The following ZNF410 variants were observed in gnomAD, a reference collection of about 807,000 sequenced individuals.
The protein encoded by ZNF410 is another partner for ARF 1.
Under a neutral mutation model 54.8 loss-of-function variants are expected in ZNF410, and 18 were observed. The ratio of observed to expected loss-of-function variants is 0.33; its 90% CI spans 0.23 to 0.49. ZNF410 has a LOEUF of 0.49. Among genes scored for constraint, ZNF410 ranks in the 20% least tolerant of loss-of-function variants. The pLI, the probability that ZNF410 is intolerant of heterozygous loss-of-function variation, is 0.99. For synonymous variants in ZNF410, 191 were observed against 207.3 expected (o/e 0.92, Z 0.68); for missense variants, 405 against 569.6 (o/e 0.71, Z 2.94).
At chr14:73,904,778 G>A in intron 6 of ZNF410, 124 bp from the exon 7 acceptor site, 2 of 1,096,980 alleles carry the variant, frequency 1.8e-6, no homozygotes, top group Non-Finnish European at 2.5e-6. Flanking sequence ...AAAGTCTTCA[G>A]TTGATTCTGA....
At chr14:73,904,247 T>C in intron 6 of ZNF410, 137 bp downstream of exon 6, 1 of 841,226 alleles carries the variant, frequency 1.2e-6, no homozygotes. Flanking sequence ...TATCTTTTTT[T>C]CTTTAATAGA....
chr14:73,902,361 C>T (rs545753740), intron 5 of ZNF410: 12 of 152,302 alleles, frequency 7.9e-5, no homozygotes, highest in South Asian at 6.2e-4. Flanking sequence ...GCGTGAGCCA[C>T]TGCGCCTGGC....
At chr14:73,918,780 G>A (rs2055709329) in intron 8 of ZNF410, among the ~76,000 whole-genome samples, 1 of 133,658 alleles carries the variant, frequency 7.5e-6, no homozygotes, top group Non-Finnish European at 1.5e-5. Context: ...CTCACTGCAA[G>A]CTCTGCCTCC....
At chr14:73,911,305 T>TG (rs766061669) in intron 8 of ZNF410, among the ~76,000 whole-genome samples, 10 of 152,104 alleles carry the variant, frequency 6.6e-5, no homozygotes, top group Non-Finnish European at 1.2e-4. Context: ...ATCAGGTCAT[T>TG]GTTGAATGAC....
intron 3 of ZNF410, chr14:73,894,324 A>G (rs1184674757): frequency 1.7e-5 from 12 of 702,154 alleles, no homozygotes; most frequent in Non-Finnish European, 3.1e-5. Flanking sequence ...CCAGTGAAAT[A>G]GGGACTAAAA....
At chr14:73,927,174 C>T in intron 11 of ZNF410, 1 of 264,622 alleles carries the variant, frequency 3.8e-6, no homozygotes, top group Non-Finnish European at 8.2e-6. Flanking sequence ...CAACCTCTAC[C>T]TCCCGAATTC....
At chr14:73,909,519 GAAAC>G (rs2055543691) in intron 8 of ZNF410, 89 bp downstream of exon 8, 2 of 1,003,104 alleles carry the variant, frequency 2.0e-6, no homozygotes, top group Non-Finnish European at 1.5e-6. Context: ...CAACTAAAAA[GAAAC>G]AAACTGTTCA....
chr14:73,896,353 C>G lies in ZNF410; in HGVS notation c.207C>G (p.Val69=), dbSNP rs2055317320. The change falls in exon 4 of 12, where the codon GTC becomes GTG. Residue 69 remains valine (V), a synonymous_variant. Coordinates refer to ENST00000555044, the MANE Select transcript of ZNF410 (RefSeq NM_021188.3). ...ATCATTCTAACTCCTCCAAGGAGGT[C>G]CCTTCCTCAGCTGTTTTGAGAAGCC... ...TTNHSNSSKE[V]PSSAVLRSLR... 2 of 1,614,158 alleles carry G rather than the reference C, an allele frequency of 1.2e-6. No individual in the cohort carries two copies.
intron 11 of ZNF410, among the ~76,000 whole-genome samples, chr14:73,925,467 G>A (rs1424148541): frequency 2.0e-5 from 3 of 150,138 alleles, no homozygotes; most frequent in Non-Finnish European, 4.4e-5. Flanking sequence ...TCCCACTGTC[G>A]CCCAGGCTGG....
intron 3 of ZNF410, among the ~76,000 whole-genome samples, chr14:73,895,056 G>A (rs939459222): frequency 6.6e-6 from 1 of 152,072 alleles, no homozygotes; most frequent in Non-Finnish European, 1.5e-5. Context: ...CAGCTGAGGT[G>A]GGAAGATCAC....
intron 11 of ZNF410, among the ~76,000 whole-genome samples, chr14:73,927,646 TA>T (rs1474850168): frequency 6.6e-6 from 1 of 152,192 alleles, no homozygotes; most frequent in East Asian, 1.9e-4. Context: ...AGCGGCTAGT[TA>T]CCACATACCT....
At position 73,921,123 on chromosome 14, in the gene ZNF410, A is replaced by G. The variant is rs1566664903; in HGVS notation, c.1129+18A>G. On this transcript the variant is annotated intron_variant, in intron 9 of 11. Coordinates refer to ENST00000555044, the MANE Select transcript of ZNF410 (RefSeq NM_021188.3). ...GCAAACTGGTGAGGAGGGTGGGCATAGTGGAACGCTGTACTACTTCTAGGG... is the reference window on the plus strand; with the variant it reads ...GCAAACTGGTGAGGAGGGTGGGCATGGTGGAACGCTGTACTACTTCTAGGG... 6.2e-7 allele frequency: 1 copy of G among 1,613,100 alleles called. No homozygotes were observed. The highest frequency in any genetic ancestry group is 8.5e-7 in the Non-Finnish European group (1 of 1,179,772).
intron 10 of ZNF410, 125 bp downstream of exon 10, chr14:73,922,331 T>A: frequency 9.5e-7 from 1 of 1,057,044 alleles, no homozygotes; most frequent in Non-Finnish European, 1.3e-6. Context: ...TGAGTAGCAT[T>A]TGTGTTCTTA....
chr14:73,893,133 C>G (rs990223071), intron 2 of ZNF410, among the ~76,000 whole-genome samples: 6 of 152,044 alleles, frequency 3.9e-5, no homozygotes, highest in African/African-American at 1.5e-4. Context: ...ATTAAATGAG[C>G]CAGTACACAG....
chr14:73,909,442 T>C lies in ZNF410; in HGVS notation c.1003+12T>C. The C allele has an allele frequency of 6.2e-7, 1 of 1,607,968 alleles. No homozygotes were observed. The highest frequency in any genetic ancestry group is 8.5e-7 in the Non-Finnish European group (1 of 1,176,086). Reference sequence around the variant, plus strand: ...GGTGGTTCACTCAGGTATCAGAACCTCTGCCATTCATAGATTTTAGGAAAA... The same window carrying C: ...GGTGGTTCACTCAGGTATCAGAACCCCTGCCATTCATAGATTTTAGGAAAA... On this transcript the variant is annotated intron_variant, in intron 8 of 11. Coordinates refer to ENST00000555044, the MANE Select transcript of ZNF410 (RefSeq NM_021188.3).
intron 8 of ZNF410, chr14:73,920,139 C>G (rs1319448802): frequency 6.6e-6 from 1 of 151,970 alleles, no homozygotes; most frequent in Non-Finnish European, 1.5e-5. Context: ...TGGTCAGATT[C>G]CCCCAAAGAG....
chr14:73,930,983 T>A (rs1015274673), intron 11 of ZNF410, among the ~76,000 whole-genome samples: 11 of 152,236 alleles, frequency 7.2e-5, no homozygotes, highest in South Asian at 2.1e-4. Context: ...TAGAGTAGAA[T>A]GTTAGTGGTA....
chr14:73,909,219 C>T (rs2140310495), intron 7 of ZNF410, 122 bp from the exon 8 acceptor site: 1 of 795,924 alleles, frequency 1.3e-6, no homozygotes, highest in East Asian at 2.5e-5. Context: ...GAAATTATAA[C>T]ATGAATTAAA....
intron 5 of ZNF410, among the ~76,000 whole-genome samples, chr14:73,900,169 G>A (rs1055796483): frequency 2.0e-5 from 3 of 150,358 alleles, no homozygotes; most frequent in Non-Finnish European, 4.4e-5. Flanking sequence ...CTCCAGCCTG[G>A]GCAACAAGAG....
Sources: allele counts gnomAD v4.1 joint callset (sites outside exome capture counted in the v4.1 genomes callset), GRCh38; gene constraint gnomAD v4.1.1; transcripts MANE v1.5; gene names NCBI Gene and HGNC (gene_info 2026-07-23, HGNC 2026-07-21).